FAT1: variants seen among roughly 807,000 people sequenced by gnomAD.
FAT1 encodes the protein protocadherin Fat 1.
Under a neutral mutation model 329.8 loss-of-function variants are expected in FAT1, and 171 were observed. The observed-to-expected ratio is 0.52, with a 90% CI of 0.46 to 0.59. The LOEUF is 0.59. Ranked by LOEUF, FAT1 falls within the 20% of genes least tolerant of loss-of-function variation. FAT1 has a pLI of 0.00. For synonymous variants in FAT1, 2,233 were observed against 2,228.6 expected (o/e 1.00, Z -0.06); for missense variants, 5,672 against 5,774.4 (o/e 0.98, Z 0.57).
In FAT1 at chr4:186,707,969, T is replaced by A. The variant is rs753881702; in HGVS notation, c.1859A>T (p.Asn620Ile). 1.9e-6 allele frequency: 3 copies of A among 1,613,818 alleles called. No individual in the cohort carries two copies. In the African/African-American group the frequency reaches 4.0e-5, roughly 22 times the overall value. ...NELDFFSLNPNSGVLSLKRSL... is the reference protein window; with the variant it reads ...NELDFFSLNPISGVLSLKRSL... Reference sequence around the variant, plus strand: ...TCGCTTTAATGACAATACCCCCGAGTTGGGGTTTAAACTAAAGAAATCCAG... The same window carrying A: ...TCGCTTTAATGACAATACCCCCGAGATGGGGTTTAAACTAAAGAAATCCAG... Residue 620 changes from asparagine to isoleucine, a missense_variant, in exon 2 of 27, where the codon AAC becomes ATC. Asn to Ile is a moderately radical substitution (Grantham distance 149). Around this residue, in one of 2 missense-constraint regions of FAT1, gnomAD observed 3,966 missense variants for 3,915.2 expected, o/e 1.01. Transcript: ENST00000441802.
intron 2 of FAT1, among the ~76,000 whole-genome samples, chr4:186,705,444 G>A (rs963030527): frequency 6.6e-6 from 1 of 152,170 alleles, no homozygotes; most frequent in Admixed American, 6.5e-5. Context: ...ACATGGGTGA[G>A]ATTAGTAAAC....
intron 17 of FAT1, among the ~76,000 whole-genome samples, chr4:186,605,079 C>T (rs1446204784): frequency 3.3e-5 from 5 of 151,616 alleles, no homozygotes; most frequent in African/African-American, 9.7e-5. Flanking sequence ...ATTAGCCGGG[C>T]GTGGTGGTGG....
chr4:186,716,494 C>A (rs1745210474), intron 1 of FAT1, among the ~76,000 whole-genome samples: 1 of 152,010 alleles, frequency 6.6e-6, no homozygotes, highest in Non-Finnish European at 1.5e-5. Flanking sequence ...GTGGCACCAT[C>A]ATAGCTCACT....
At chr4:186,652,796 A>G (rs1579392658) in intron 3 of FAT1, among the ~76,000 whole-genome samples, 1 of 152,158 alleles carries the variant, frequency 6.6e-6, no homozygotes, top group East Asian at 1.9e-4. Context: ...ATAAAATGCC[A>G]TTTACTCTGG....
At position 186,636,471 on chromosome 4, in the gene FAT1, T is replaced by C. The variant is rs2291529; in HGVS notation, c.3972+114A>G. The C allele has an allele frequency of 6.9e-3, 8,170 of 1,176,140 alleles. 294 individuals carry two copies. In the Admixed American group the frequency reaches 0.089, roughly 13 times the overall value. The allele number at this position is 1,176,140 out of a possible 1,614,324, so 72.9% of individuals were successfully genotyped here. ...GGCATTGCCTAATGGGGCCAGCAGGTCACAAACACTTCAGCCGTTTACAAA... is the reference window on the plus strand; with the variant it reads ...GGCATTGCCTAATGGGGCCAGCAGGCCACAAACACTTCAGCCGTTTACAAA... On this transcript the variant is annotated intron_variant, in intron 5 of 26. Coordinates refer to ENST00000441802, the MANE Select transcript of FAT1 (RefSeq NM_005245.4).
chr4:186,693,140 C>T (rs1210439829), intron 2 of FAT1, among the ~76,000 whole-genome samples: 1 of 152,170 alleles, frequency 6.6e-6, no homozygotes, highest in Non-Finnish European at 1.5e-5. Context: ...CATGTTTGAA[C>T]AGTATGACAA....
chr4:186,636,710 G>T lies in FAT1; in HGVS notation c.3847C>A (p.Pro1283Thr). 1 of 1,613,738 alleles carries T rather than the reference G, an allele frequency of 6.2e-7. No individual in the cohort carries two copies. Among genetic ancestry groups the T allele is most frequent in the Middle Eastern group, 1.6e-4 (1 of 6,062 alleles). Reference protein sequence around the residue: ...HVIATDKDEGPNAEISYSIED... With the variant: ...HVIATDKDEGTNAEISYSIED... ...ATGCTGTAGGAGATTTCTGCATTGGGGCCCTCATCCTTGTCGGTGGCTATG... is the reference window on the plus strand; with the variant it reads ...ATGCTGTAGGAGATTTCTGCATTGGTGCCCTCATCCTTGTCGGTGGCTATG... Residue 1283 changes from proline to threonine, a missense_variant, in exon 5 of 27, where the codon CCC becomes ACC. Pro to Thr is a conservative substitution (Grantham distance 38). Transcript: ENST00000441802.
intron 2 of FAT1, among the ~76,000 whole-genome samples, chr4:186,692,555 G>A (rs1301339866): frequency 4.6e-5 from 7 of 152,066 alleles, no homozygotes; most frequent in African/African-American, 1.4e-4. Context: ...CTCGTGATCC[G>A]CCCGCCTCGG....
In FAT1 at chr4:186,597,039, G is replaced by A. The variant is rs1738560829; in HGVS notation, c.12501C>T (p.Pro4167=). The A allele has an allele frequency of 6.2e-7, 1 of 1,613,998 alleles. No individual in the cohort carries two copies. Among genetic ancestry groups the A allele is most frequent in the Non-Finnish European group, 8.5e-7 (1 of 1,179,896 alleles). Residue 4167 remains proline (P), a synonymous_variant, in exon 25 of 27, where the codon CCC becomes CCT. Transcript: ENST00000441802. ...YRGRHCEDAA[P]NQYVSTPWNI... is the part of the protein sequence containing the mutation. ...TCCACGGCGTGGACACATACTGGTT[G>A]GGCGCAGCATCCTCGCAGTGACGTC...
chr4:186,610,637 TTTATATAATTTATATAAATATAAA>T (rs1254302354), intron 14 of FAT1, among the ~76,000 whole-genome samples: 3,540 of 111,288 alleles, frequency 0.032, 264 homozygotes, highest in Admixed American at 0.068. Context: ...AATTATATAA[TTTATATAATTTATATAAATATAAA>T]TTATATAATT....
intron 22 of FAT1, among the ~76,000 whole-genome samples, chr4:186,599,613 TAAAG>T (rs769024614): frequency 3.3e-5 from 5 of 152,122 alleles, no homozygotes; most frequent in Non-Finnish European, 5.9e-5. Context: ...ACTATGGAGT[TAAAG>T]AAGAGTTCTG....
rs547687281 is a variant in FAT1, at chr4:186,597,830, C to A, written c.12258-38G>T. On this transcript the variant is annotated intron_variant, in intron 23 of 26. Coordinates refer to ENST00000441802, the MANE Select transcript of FAT1 (RefSeq NM_005245.4). ...GAGAAACAGACATAAACCTCATGAT[C>A]CTATTGCAAATAAATACAGCAAAAC... is the stretch of plus-strand genomic sequence containing the variant. The A allele has an allele frequency of 5.7e-6, 9 of 1,581,570 alleles. No individual in the cohort carries two copies. The African/African-American group carries it at 1.1e-4, about 19-fold the overall frequency.
chr4:186,638,259 A>G (rs996732787), intron 4 of FAT1, among the ~76,000 whole-genome samples: 2 of 152,230 alleles, frequency 1.3e-5, no homozygotes, highest in Non-Finnish European at 2.9e-5. Context: ...AGTGCTATAT[A>G]TCTGGTATCT....
intron 26 of FAT1, among the ~76,000 whole-genome samples, chr4:186,589,841 TTTTAAAGTAATAAAAGTAACC>T (rs1308776475): frequency 6.6e-6 from 1 of 152,184 alleles, no homozygotes; most frequent in Non-Finnish European, 1.5e-5. Flanking sequence ...CAATGCAACT[TTTTAAAGTAATAAAAGTAACC>T]TTTAACATGC....
chr4:186,602,879 T>C, intron 20 of FAT1, 24 bp downstream of exon 20: 1 of 1,587,532 alleles, frequency 6.3e-7, no homozygotes, highest in Admixed American at 1.8e-5. Flanking sequence ...AAAATAAAAG[T>C]ATACCCAACC....
rs757913994 is a variant in FAT1 at position 186,600,043 on chromosome 4, C to T, written c.11958G>A (p.Glu3986=). Residue 3986 remains glutamate, a synonymous_variant, in exon 22 of 27, where the codon GAG becomes GAA. Coordinates refer to ENST00000441802, the MANE Select transcript of FAT1 (RefSeq NM_005245.4). The part of the protein sequence containing the change: ...CMDSIYLNGQ[E]LPLNSKPRSY... Reference sequence around the variant, plus strand: ...TTCTGGGTTTGCTGTTTAAAGGGAGCTCCTGCCCATTCAAATAAATGGAGT... The same window carrying T: ...TTCTGGGTTTGCTGTTTAAAGGGAGTTCCTGCCCATTCAAATAAATGGAGT... 6.2e-7 allele frequency: 1 copy of T among 1,614,006 alleles called. No homozygotes were observed. Among genetic ancestry groups the T allele is most frequent in the Non-Finnish European group, 8.5e-7 (1 of 1,179,896 alleles).
intron 9 of FAT1, among the ~76,000 whole-genome samples, chr4:186,623,334 A>G (rs1440525070): frequency 6.6e-6 from 1 of 152,194 alleles, no homozygotes; most frequent in Non-Finnish European, 1.5e-5. Flanking sequence ...GGCCGTCGTC[A>G]GAACGCCAAG....
chr4:186,708,079 G>A lies in FAT1; in HGVS notation c.1749C>T (p.Gly583=), dbSNP rs777772638. 15 of 1,613,742 alleles carry A rather than the reference G, an allele frequency of 9.3e-6. No individual in the cohort carries two copies. Among genetic ancestry groups the A allele is most frequent in the South Asian group, 1.1e-5 (1 of 91,070 alleles). The change falls in exon 2 of 27, where the codon GGC becomes GGT. Residue 583 remains glycine, a synonymous_variant. Coordinates refer to ENST00000441802, the MANE Select transcript of FAT1 (RefSeq NM_005245.4). ...NCEGTIPRDL[G]VGEQITTVSA... is the part of the protein sequence containing the mutation. ...AAACAGTGGTTATTTGCTCTCCCAC[G>A]CCTAGATCTCTGGGAATTGTCCCTT... is the stretch of plus-strand genomic sequence containing the variant.
chr4:186,704,339 G>T (rs566873463), intron 2 of FAT1, among the ~76,000 whole-genome samples: 1 of 152,088 alleles, frequency 6.6e-6, no homozygotes, highest in African/African-American at 2.4e-5. Context: ...CGTTTGGCTG[G>T]TTGTTTCCTT....
Sources: allele counts gnomAD v4.1 joint callset (sites outside exome capture counted in the v4.1 genomes callset), GRCh38; gene constraint gnomAD v4.1.1; regional missense constraint gnomAD v4.1.1; transcripts MANE v1.5; gene names NCBI Gene and HGNC (gene_info 2026-07-23, HGNC 2026-07-21).